ARID4B: variants seen among roughly 807,000 people sequenced by gnomAD.
The protein encoded by ARID4B is AT-rich interactive domain-containing protein 4B.
In ARID4B, 26 loss-of-function variants were observed where a neutral mutation model predicts 147.5. The ratio of observed to expected loss-of-function variants is 0.18; its 90% CI spans 0.13 to 0.24. The LOEUF is 0.24. ARID4B is among the 10% of genes least tolerant of loss of function. The pLI, the probability that ARID4B is intolerant of heterozygous loss-of-function variation, is 1.00. For missense variants in ARID4B, 1,179 were observed against 1,511.5 expected (o/e 0.78, Z 3.65); for synonymous variants, 512 against 507.9 (o/e 1.01, Z -0.11).
intron 2 of ARID4B, among the ~76,000 whole-genome samples, chr1:235,319,160 C>G (rs985273087): frequency 6.6e-6 from 1 of 152,136 alleles, no homozygotes. Flanking sequence ...AAAAAGTTTT[C>G]AAAAGATAGT....
At chr1:235,277,621 T>A (rs1247485918) in intron 2 of ARID4B, among the ~76,000 whole-genome samples, 1 of 136,704 alleles carries the variant, frequency 7.3e-6, no homozygotes, top group Non-Finnish European at 1.6e-5. Flanking sequence ...TGTGTGTGTG[T>A]GTGTGTGTGT....
chr1:235,280,552 A>C (rs1223626302), intron 2 of ARID4B, among the ~76,000 whole-genome samples: 3 of 152,388 alleles, frequency 2.0e-5, no homozygotes, highest in East Asian at 3.9e-4. Context: ...TCGCCACGCA[A>C]ACGGCTCCTG....
intron 2 of ARID4B, among the ~76,000 whole-genome samples, chr1:235,273,688 A>T (rs1671132428): frequency 2.0e-5 from 3 of 152,200 alleles, no homozygotes; most frequent in Admixed American, 2.0e-4. Flanking sequence ...AAATTCCACA[A>T]ACCAACAAAA....
intron 12 of ARID4B, among the ~76,000 whole-genome samples, chr1:235,223,797 T>C (rs1667661239): frequency 6.6e-6 from 1 of 151,094 alleles, no homozygotes; most frequent in Non-Finnish European, 1.5e-5. Flanking sequence ...CAATGCCTCA[T>C]ATGGCCATTT....
chr1:235,201,584 G>A (rs1438494288), intron 17 of ARID4B, among the ~76,000 whole-genome samples: 5 of 152,102 alleles, frequency 3.3e-5, no homozygotes, highest in African/African-American at 1.2e-4. Flanking sequence ...TTGGCCTCCC[G>A]AAGTGCTGGG....
chr1:235,251,873 CT>C (rs1669666427), intron 6 of ARID4B, among the ~76,000 whole-genome samples: 1 of 152,096 alleles, frequency 6.6e-6, no homozygotes, highest in Non-Finnish European at 1.5e-5. Context: ...AGTTACAAAA[CT>C]TTGTGAACCC....
chr1:235,236,904 G>C (rs1439886773), intron 8 of ARID4B, among the ~76,000 whole-genome samples: 3 of 67,774 alleles, frequency 4.4e-5, no homozygotes, highest in African/African-American at 1.7e-4. Flanking sequence ...TAAAAGTCTT[G>C]CTCTGTCACC....
At chr1:235,182,952 G>T (rs1664420575) in intron 19 of ARID4B, among the ~76,000 whole-genome samples, 159 bp from the exon 20 acceptor site, 1 of 152,066 alleles carries the variant, frequency 6.6e-6, no homozygotes, top group South Asian at 2.1e-4. Flanking sequence ...GTTTCAAAGA[G>T]GCTAAGAGGC....
chr1:235,274,821 C>T (rs1671213519), intron 2 of ARID4B, among the ~76,000 whole-genome samples: 1 of 152,142 alleles, frequency 6.6e-6, no homozygotes, highest in Non-Finnish European at 1.5e-5. Flanking sequence ...CTCAGTTTCT[C>T]CACTTCTAAA....
chr1:235,292,533 T>C (rs1447794050), intron 2 of ARID4B, among the ~76,000 whole-genome samples: 1 of 151,838 alleles, frequency 6.6e-6, no homozygotes, highest in Non-Finnish European at 1.5e-5. Flanking sequence ...GGAGGAACGC[T>C]TGAACCCGGG....
chr1:235,173,938 T>A (rs1663654501), intron 22 of ARID4B, among the ~76,000 whole-genome samples: 1 of 150,062 alleles, frequency 6.7e-6, no homozygotes, highest in Non-Finnish European at 1.5e-5. Context: ...GCTTCAGTAA[T>A]CATCAATTTA....
chr1:235,219,700 A>G (rs1667314923), intron 16 of ARID4B, 93 bp downstream of exon 16: 1 of 1,026,724 alleles, frequency 9.7e-7, no homozygotes, highest in African/African-American at 1.7e-5. Flanking sequence ...TATTTTGTCA[A>G]TTAATTTAGA....
At chr1:235,257,767 C>T (rs192548454) in intron 3 of ARID4B, among the ~76,000 whole-genome samples, 1 of 152,286 alleles carries the variant, frequency 6.6e-6, no homozygotes, top group Admixed American at 6.5e-5. Flanking sequence ...AGGTGTGAGT[C>T]ACCACGCCTG....
intron 17 of ARID4B, among the ~76,000 whole-genome samples, chr1:235,206,697 G>A (rs1337164021): frequency 6.6e-6 from 1 of 152,154 alleles, no homozygotes; most frequent in Non-Finnish European, 1.5e-5. Context: ...CACTGATAAG[G>A]TACGTAAGAG....
intron 2 of ARID4B, among the ~76,000 whole-genome samples, chr1:235,267,676 T>TA (rs1670694571): frequency 6.6e-6 from 1 of 151,572 alleles, no homozygotes; most frequent in African/African-American, 2.4e-5. Flanking sequence ...ACTAAAAATA[T>TA]AAAAAATTAG....
chr1:235,214,140 T>A (rs1218024446), intron 16 of ARID4B, 114 bp from the exon 17 acceptor site: 1 of 1,290,114 alleles, frequency 7.8e-7, no homozygotes, highest in Non-Finnish European at 1.0e-6. Context: ...GAAAAGCAGG[T>A]TCCACGTGTA....
intron 11 of ARID4B, chr1:235,228,973 A>T (rs923467855): frequency 5.5e-6 from 2 of 364,704 alleles, no homozygotes; most frequent in Non-Finnish European, 9.8e-6. Context: ...TCATCTCATT[A>T]AAAAAAGCAT....
At chr1:235,287,476 T>C (rs1293552286) in intron 2 of ARID4B, among the ~76,000 whole-genome samples, 1 of 152,176 alleles carries the variant, frequency 6.6e-6, no homozygotes, top group Non-Finnish European at 1.5e-5. Flanking sequence ...GTCTTGAATG[T>C]ACCAGAAACT....
At chr1:235,290,024 A>G (rs1197715915) in intron 2 of ARID4B, among the ~76,000 whole-genome samples, 2 of 143,244 alleles carry the variant, frequency 1.4e-5, no homozygotes, top group Non-Finnish European at 3.1e-5. Context: ...ATATAGTGAG[A>G]CTCTATCTCT....
Sources: allele counts gnomAD v4.1 joint callset (sites outside exome capture counted in the v4.1 genomes callset), GRCh38; gene constraint gnomAD v4.1.1; transcripts MANE v1.5; gene names NCBI Gene and HGNC (gene_info 2026-07-23, HGNC 2026-07-21).